LMLN: variants seen among roughly 807,000 people sequenced by gnomAD.
LMLN encodes leishmanolysin-like peptidase.
In LMLN, 70 loss-of-function variants were observed where a neutral mutation model predicts 92.3. The ratio of observed to expected loss-of-function variants is 0.76; its 90% confidence interval spans 0.63 to 0.92. LMLN has a LOEUF of 0.92. Among genes scored for constraint, LMLN ranks in the 40% least tolerant of loss-of-function variants. The pLI, the probability that LMLN is intolerant of heterozygous loss-of-function variation, is 0.00. For missense variants in LMLN, 691 were observed against 814.6 expected (o/e 0.85, Z 1.85); for synonymous variants, 308 against 296.2 (o/e 1.04, Z -0.41).
chr3:198,029,638 A>G (rs1411228947), intron 14 of LMLN, among the ~76,000 whole-genome samples: 1 of 152,112 alleles, frequency 6.6e-6, no homozygotes, highest in Non-Finnish European at 1.5e-5. Flanking sequence ...GCACCACTGC[A>G]CTCCAGCCCG....
chr3:197,968,505 A>G lies in LMLN; in HGVS notation c.220-5872A>G, dbSNP rs560851272. ...AAGAGTATTATTTGGGAACTGATAA[A>G]TGTCCATGAAATCTTCACAATTTAT... is the stretch of plus-strand genomic sequence containing the variant. On this transcript the variant is annotated intron_variant, in intron 1 of 15. Coordinates refer to ENST00000330198, the Ensembl canonical transcript of LMLN. Among the ~76,000 whole-genome samples the G allele has an allele frequency of 6.1e-4, 93 of 152,232 alleles. 1 individual carries two copies. The highest frequency in any genetic ancestry group is 2.0e-3 in the African/African-American group (85 of 41,558).
chr3:197,964,406 G>GTT (rs71225232), intron 1 of LMLN, among the ~76,000 whole-genome samples: 1 of 136,000 alleles, frequency 7.4e-6, no homozygotes, highest in Non-Finnish European at 1.6e-5. Context: ...TTTGTTTTTT[G>GTT]TTTTTTTTTT....
At chr3:198,022,039 G>A (rs1282512211) in intron 13 of LMLN, among the ~76,000 whole-genome samples, 1 of 152,200 alleles carries the variant, frequency 6.6e-6, no homozygotes, top group Non-Finnish European at 1.5e-5. Context: ...TAGATACTAA[G>A]TGATATAGTT....
rs115068750 is a variant in LMLN, at chr3:197,970,421, G to A, written c.220-3956G>A. On this transcript the variant is annotated intron_variant, in intron 1 of 15. Transcript: ENST00000330198. The stretch of plus-strand genomic sequence containing the variant: ...AAATCAGCAAAGGGAAAAGGATCAT[G>A]GGACAAAGACTAGAGGAAATTAGGC... 7.3e-3 allele frequency among the ~76,000 whole-genome samples: 1,106 copies of A among 152,256 alleles called. 4 individuals carry two copies. The highest frequency in any genetic ancestry group is 0.012 in the Non-Finnish European group (814 of 68,024).
chr3:198,010,696 C>A (rs1431838008), intron 11 of LMLN, among the ~76,000 whole-genome samples: 1 of 150,290 alleles, frequency 6.7e-6, no homozygotes, highest in Non-Finnish European at 1.5e-5. Flanking sequence ...AGCAATCGGC[C>A]CACCTCGGCC....
chr3:198,019,200 C>G lies in LMLN; in HGVS notation c.1233-53C>G. ...TTCCATTTGTTGGCTGTATAATGGA[C>G]TTGCAGTATTTTCTTTAAAGTTTGA... On this transcript the variant is annotated intron_variant, in intron 11 of 15. Coordinates refer to ENST00000330198, the Ensembl canonical transcript of LMLN. This position sits in a 1 kb window ranked among gnomAD's most constrained non-coding sequence, Gnocchi z 5.5. The G allele has an allele frequency of 1.3e-6, 2 of 1,539,402 alleles. No homozygotes were observed. Among genetic ancestry groups the G allele is most frequent in the African/African-American group, 1.4e-5 (1 of 72,542 alleles).
intron 14 of LMLN, 32 bp downstream of exon 15, chr3:198,024,820 ATAT>A (rs761541764): frequency 1.3e-6 from 2 of 1,553,740 alleles, no homozygotes; most frequent in East Asian, 2.3e-5. Context: ...GTTGTGCCAA[ATAT>A]TATGTGATTT....
intron 1 of LMLN, among the ~76,000 whole-genome samples, chr3:197,973,170 A>G (rs866044819): frequency 6.6e-6 from 1 of 151,806 alleles, no homozygotes; most frequent in East Asian, 1.9e-4. Context: ...GTAATGTGTT[A>G]TCTGTGGGGA....
chr3:197,964,406 GT>G (rs71225232), intron 1 of LMLN, among the ~76,000 whole-genome samples: 66 of 135,950 alleles, frequency 4.9e-4, no homozygotes, highest in Admixed American at 2.1e-3. Flanking sequence ...TTTGTTTTTT[GT>G]TTTTTTTTTT....
At chr3:198,028,215 C>A (rs1263062310) in intron 14 of LMLN, among the ~76,000 whole-genome samples, 2 of 151,990 alleles carry the variant, frequency 1.3e-5, no homozygotes, top group Non-Finnish European at 2.9e-5. Context: ...GAACCGACAT[C>A]ATCATCCGAA....
intron 12 of LMLN, among the ~76,000 whole-genome samples, chr3:198,021,145 C>G (rs1303528579): frequency 6.6e-6 from 1 of 152,084 alleles, no homozygotes; most frequent in Non-Finnish European, 1.5e-5. Context: ...GCTCTTAAAA[C>G]TTCTTTTTGC....
intron 15 of LMLN, 110 bp from the exon 17 acceptor site, chr3:198,038,457 G>A (rs1315239388): frequency 3.8e-6 from 3 of 791,916 alleles, no homozygotes; most frequent in Admixed American, 2.1e-5. Context: ...CTCTCAAGGT[G>A]GTCCTTGTTT....
intron 8 of LMLN, among the ~76,000 whole-genome samples, chr3:197,986,273 A>C (rs926115864): frequency 3.9e-5 from 6 of 152,196 alleles, no homozygotes; most frequent in Non-Finnish European, 8.8e-5. Context: ...CCTGCCGGGC[A>C]GCGTGGCAAA....
At chr3:197,960,885 G>C (rs1720851215) in intron 1 of LMLN, among the ~76,000 whole-genome samples, 1 of 152,158 alleles carries the variant, frequency 6.6e-6, no homozygotes, top group South Asian at 2.1e-4. Context: ...GGAAGACATT[G>C]AACGGAGAGC....
intron 11 of LMLN, among the ~76,000 whole-genome samples, chr3:198,003,678 CATCT>C (rs1422014028): frequency 2.6e-5 from 3 of 113,650 alleles, no homozygotes; most frequent in East Asian, 4.1e-4. Context: ...GTAAGTTTGA[CATCT>C]ATCTATATAT....
chr3:198,023,178 G>GTTT (rs933931698), intron 13 of LMLN, among the ~76,000 whole-genome samples: 6 of 136,808 alleles, frequency 4.4e-5, no homozygotes, highest in African/African-American at 2.0e-4. Flanking sequence ...GCTGAATTCT[G>GTTT]TTTTATTATT....
At chr3:198,014,408 T>C (rs1722555697) in intron 11 of LMLN, among the ~76,000 whole-genome samples, 1 of 117,018 alleles carries the variant, frequency 8.5e-6, no homozygotes, top group Non-Finnish European at 1.8e-5. Flanking sequence ...GCCCCCTAAC[T>C]AGTCTGACTT....
chr3:197,998,846 C>G (rs535080851), intron 10 of LMLN, among the ~76,000 whole-genome samples: 21 of 152,196 alleles, frequency 1.4e-4, no homozygotes, highest in Non-Finnish European at 2.5e-4. Flanking sequence ...TTTCTGTGAT[C>G]ACAGAGTTGA....
chr3:198,002,876 C>G, intron 11 of LMLN, 139 bp from the exon 12 acceptor site: 1 of 560,242 alleles, frequency 1.8e-6, no homozygotes, highest in Non-Finnish European at 3.2e-6. Flanking sequence ...TGTGAGTGAT[C>G]ACTTACAGTG....
Sources: gnomAD v4.1 joint callset for allele counts (sites outside exome capture counted in the v4.1 genomes callset) on GRCh38, gnomAD v4.1.1 for gene constraint, Gnocchi (gnomAD v3.1) non-coding constraint, MANE v1.5 for transcripts, NCBI Gene and HGNC (gene_info 2026-07-23, HGNC 2026-07-21) for gene names.